The following GPC6 variants were observed in gnomAD, a reference collection of about 807,000 sequenced individuals.
GPC6 encodes glypican-6.
GPC6 carries 14 observed loss-of-function variants against 55.2 expected under a neutral mutation model. That is an observed-to-expected ratio of 0.25 (90% CI 0.17 to 0.40). GPC6 has a LOEUF of 0.40. Among genes scored for constraint, GPC6 ranks in the 10% least tolerant of loss-of-function variants. The pLI, the probability that GPC6 is intolerant of heterozygous loss-of-function variation, is 1.00. For synonymous variants in GPC6, 278 were observed against 259.6 expected (o/e 1.07, Z -0.68); for missense variants, 641 against 708.5 (o/e 0.90, Z 1.08).
At chr13:94,083,901 C>G (rs1303599668) in intron 4 of GPC6, among the ~76,000 whole-genome samples, 1 of 152,154 alleles carries the variant, frequency 6.6e-6, no homozygotes, top group Non-Finnish European at 1.5e-5. Flanking sequence ...TGAGAATAAA[C>G]AGAGCACAGG....
chr13:93,662,288 G>T (rs1880955823), intron 2 of GPC6, among the ~76,000 whole-genome samples: 1 of 152,130 alleles, frequency 6.6e-6, no homozygotes, highest in South Asian at 2.1e-4. Flanking sequence ...CAGTACCTAT[G>T]GTGGAAGGTA....
chr13:93,736,057 T>C (rs1481191901), intron 2 of GPC6, among the ~76,000 whole-genome samples: 1 of 152,208 alleles, frequency 6.6e-6, no homozygotes, highest in African/African-American at 2.4e-5. Flanking sequence ...GAGGGTGCTG[T>C]GCTCTTGGCA....
chr13:93,730,526 C>T lies in GPC6; in HGVS notation c.320-99628C>T, dbSNP rs578136160. Among the ~76,000 whole-genome samples, 58 of 152,246 alleles carry T rather than the reference C, an allele frequency of 3.8e-4. No homozygotes were observed. In the South Asian group the frequency reaches 0.011, roughly 29 times the overall value. ...GAGATGTCACTGGCATGGCCCTCCC[C>T]CAGAGCCTAGTCCCTGCTCTGTGCC... On this transcript the variant is annotated intron_variant, in intron 2 of 8. Transcript: ENST00000377047.
Position 93,747,932 on chromosome 13 carries a change from T to C in GPC6, c.320-82222T>C, listed in dbSNP as rs538816229. Among the ~76,000 whole-genome samples, 4 of 152,174 alleles carry C rather than the reference T, an allele frequency of 2.6e-5. No individual in the cohort carries two copies. The South Asian group carries it at 6.2e-4, about 24-fold the overall frequency. ...GCGGGCCTTTCAGGGGAGGGTCTTA[T>C]TCACATCTGTATTCACAGTGCTTAG... On this transcript the variant is annotated intron_variant, in intron 2 of 8. Coordinates refer to ENST00000377047, the MANE Select transcript of GPC6 (RefSeq NM_005708.5).
At chr13:94,137,718 A>G (rs1415460923) in intron 4 of GPC6, among the ~76,000 whole-genome samples, 1 of 152,166 alleles carries the variant, frequency 6.6e-6, no homozygotes. Context: ...CTACCTAAAA[A>G]CTTCCTTAAC....
At position 94,354,292 on chromosome 13, in the gene GPC6, A is replaced by G. The variant is rs147709919; in HGVS notation, c.1153-28122A>G. On this transcript the variant is annotated intron_variant, in intron 6 of 8. Coordinates refer to ENST00000377047, the MANE Select transcript of GPC6 (RefSeq NM_005708.5). ...CATAATCCAGCAGTCAACTGAAAGAATATCTATTGAGTGTCTACCATGTGT... is the reference window on the plus strand; with the variant it reads ...CATAATCCAGCAGTCAACTGAAAGAGTATCTATTGAGTGTCTACCATGTGT... Among the ~76,000 whole-genome samples the G allele has an allele frequency of 2.0e-5, 3 of 152,228 alleles. No homozygotes were observed. The East Asian group carries it at 5.8e-4, about 29-fold the overall frequency.
chr13:94,265,289 A>G (rs191634288), intron 4 of GPC6, among the ~76,000 whole-genome samples: 52 of 152,346 alleles, frequency 3.4e-4, no homozygotes, highest in Non-Finnish European at 5.9e-4. Flanking sequence ...ACAATAAGCC[A>G]TCTGCAAGCT....
chr13:93,422,056 A>G (rs1026267697), intron 1 of GPC6, among the ~76,000 whole-genome samples: 1 of 152,174 alleles, frequency 6.6e-6, no homozygotes, highest in African/African-American at 2.4e-5. Flanking sequence ...ATCTCTGCTG[A>G]AATATTCACC....
At chr13:93,826,623 G>C (rs1887264380) in intron 2 of GPC6, among the ~76,000 whole-genome samples, 2 of 152,178 alleles carry the variant, frequency 1.3e-5, no homozygotes, top group African/African-American at 4.8e-5. Flanking sequence ...AGACATTTCT[G>C]AGTTGAATGG....
chr13:94,137,485 C>A (rs1311744206), intron 4 of GPC6, among the ~76,000 whole-genome samples: 2 of 152,040 alleles, frequency 1.3e-5, no homozygotes, highest in African/African-American at 4.8e-5. Flanking sequence ...CTGAGCTGAG[C>A]CTTAAGGAGT....
chr13:94,322,088 G>T (rs1033029021), intron 6 of GPC6, among the ~76,000 whole-genome samples: 5 of 152,156 alleles, frequency 3.3e-5, no homozygotes, highest in African/African-American at 1.2e-4. Context: ...ATTCCCACGT[G>T]TTGTGGGAGG....
At chr13:94,299,699 C>T (rs1875539550) in intron 5 of GPC6, among the ~76,000 whole-genome samples, 1 of 152,218 alleles carries the variant, frequency 6.6e-6, no homozygotes, top group South Asian at 2.1e-4. Context: ...TTCACAACCT[C>T]TATAACTGTA....
rs141749593 is a variant in GPC6 at position 93,917,984 on chromosome 13, C to T, written c.711+87439C>T. 8.2e-3 allele frequency among the ~76,000 whole-genome samples: 1,250 copies of T among 152,078 alleles called. 10 individuals carry two copies. Among genetic ancestry groups the T allele is most frequent in the Non-Finnish European group, 0.011 (754 of 68,004 alleles). On this transcript the variant is annotated intron_variant, in intron 3 of 8. Coordinates refer to ENST00000377047, the MANE Select transcript of GPC6 (RefSeq NM_005708.5). ...TGGTGGCACATGCCTGTAACCCCAG[C>T]TACTCGGGAGGCTGAGGCAGAAAAA...
intron 8 of GPC6, among the ~76,000 whole-genome samples, chr13:94,399,429 C>T (rs1881035608): frequency 6.6e-6 from 1 of 152,092 alleles, no homozygotes; most frequent in Admixed American, 6.6e-5. Flanking sequence ...AGATGACTAA[C>T]TACAAAAAAA....
intron 4 of GPC6, among the ~76,000 whole-genome samples, chr13:94,083,388 G>A (rs931699272): frequency 5.3e-5 from 8 of 152,170 alleles, no homozygotes; most frequent in African/African-American, 1.9e-4. Flanking sequence ...AAAGTGCTGG[G>A]ATTACAGGCA....
At chr13:94,118,587 T>C (rs526582) in intron 4 of GPC6, among the ~76,000 whole-genome samples, 20,160 of 152,112 alleles carry the variant, frequency 0.13, 1,621 homozygotes, top group East Asian at 0.33. Context: ...CTATTTGCCC[T>C]GCATTATTCT....
intron 3 of GPC6, among the ~76,000 whole-genome samples, chr13:93,944,270 C>A (rs1279095142): frequency 2.6e-5 from 4 of 151,934 alleles, no homozygotes; most frequent in South Asian, 4.2e-4. Context: ...GTGGCGCCAT[C>A]TCGGCTCACT....
At chr13:94,046,779 C>A (rs1594692899) in intron 4 of GPC6, among the ~76,000 whole-genome samples, 1 of 152,078 alleles carries the variant, frequency 6.6e-6, no homozygotes, top group African/African-American at 2.4e-5. Flanking sequence ...TTTAAATAAA[C>A]CTCCTCCACA....
At chr13:94,287,460 G>T (rs186392150) in intron 5 of GPC6, among the ~76,000 whole-genome samples, 4 of 152,290 alleles carry the variant, frequency 2.6e-5, no homozygotes, top group African/African-American at 9.6e-5. Flanking sequence ...AGAAAAAGGA[G>T]CCATGGATTC....
Sources: allele counts gnomAD v4.1 joint callset (sites outside exome capture counted in the v4.1 genomes callset), GRCh38; gene constraint gnomAD v4.1.1; transcripts MANE v1.5; gene names NCBI Gene and HGNC (gene_info 2026-07-23, HGNC 2026-07-21).